The following RHOBTB1 variants were observed in gnomAD, a reference collection of about 807,000 sequenced individuals.
RHOBTB1 encodes rho-related BTB domain-containing protein 1.
A neutral mutation model predicts 71.6 loss-of-function variants in RHOBTB1; 40 were observed. The ratio of observed to expected loss-of-function variants is 0.56; its 90% CI spans 0.43 to 0.73. The LOEUF (loss-of-function observed/expected upper bound fraction) is 0.73, where lower values mean the gene tolerates loss of function less well. RHOBTB1 is among the 30% of genes least tolerant of loss of function. The pLI is 0.00. For missense variants in RHOBTB1, 797 were observed against 894.0 expected (o/e 0.89, Z 1.38); for synonymous variants, 319 against 334.9 (o/e 0.95, Z 0.52).
At chr10:60,985,043 T>C (rs1343495559) in intron 2 of RHOBTB1, among the ~76,000 whole-genome samples, 2 of 152,250 alleles carry the variant, frequency 1.3e-5, no homozygotes, top group African/African-American at 2.4e-5. Context: ...GAGTTATCTA[T>C]AATTCAGCTT....
chr10:60,961,706 T>A lies in RHOBTB1; in HGVS notation c.-61-19852A>T, dbSNP rs564466656. Among the ~76,000 whole-genome samples, 221 of 152,302 alleles carry A rather than the reference T, an allele frequency of 1.5e-3. 1 individual carries two copies. Among genetic ancestry groups the A allele is most frequent in the African/African-American group, 5.1e-3 (214 of 41,564 alleles). Reference sequence around the variant, plus strand: ...AAGTTCAAATGCATTGCTGTATATATGAAAGTGCTTTCACAAGCTATACAT... The same window carrying A: ...AAGTTCAAATGCATTGCTGTATATAAGAAAGTGCTTTCACAAGCTATACAT... On this transcript the variant is annotated intron_variant, in intron 2 of 11. Transcript: ENST00000357917.
rs931334186 is a variant in RHOBTB1, at chr10:60,949,419, G to A, written c.-61-7565C>T. The stretch of plus-strand genomic sequence containing the variant: ...GGGTAAAAGTGAAAGACCCTTCAGC[G>A]TGAGTAGCCCAGCTCTGCAGGATTT... On this transcript the variant is annotated intron_variant, in intron 2 of 11. Coordinates refer to the RHOBTB1 transcript ENST00000357917. 6.6e-5 allele frequency among the ~76,000 whole-genome samples: 10 copies of A among 152,162 alleles called. No individual in the cohort carries two copies. The South Asian group carries it at 1.0e-3, about 16-fold the overall frequency.
chr10:60,977,783 G>T (rs556753095), intron 2 of RHOBTB1, among the ~76,000 whole-genome samples: 4 of 152,064 alleles, frequency 2.6e-5, no homozygotes, highest in South Asian at 2.1e-4. Flanking sequence ...ACTTAATGTT[G>T]CATTAACTAC....
chr10:60,883,289 A>G (rs1366604627), intron 7 of RHOBTB1, among the ~76,000 whole-genome samples: 1 of 152,214 alleles, frequency 6.6e-6, no homozygotes, highest in African/African-American at 2.4e-5. Flanking sequence ...AGGGTGTGCT[A>G]AACAGGTGGC....
intron 4 of RHOBTB1, among the ~76,000 whole-genome samples, chr10:60,902,057 A>C (rs1589242955): frequency 6.6e-6 from 1 of 152,164 alleles, no homozygotes; most frequent in Non-Finnish European, 1.5e-5. Flanking sequence ...GGACAATTTC[A>C]TCCTGGGGAC....
intron 2 of RHOBTB1, among the ~76,000 whole-genome samples, chr10:60,966,639 C>A (rs1299769984): frequency 6.6e-6 from 1 of 151,776 alleles, no homozygotes; most frequent in Non-Finnish European, 1.5e-5. Flanking sequence ...ATTAATTGAG[C>A]ACACATTTAT....
intron 7 of RHOBTB1, among the ~76,000 whole-genome samples, chr10:60,880,595 G>A (rs2081286735): frequency 6.6e-6 from 1 of 152,106 alleles, no homozygotes; most frequent in Non-Finnish European, 1.5e-5. Flanking sequence ...GATTTGACAA[G>A]CATGATCATT....
At chr10:60,899,767 C>T (rs2082325544) in intron 4 of RHOBTB1, among the ~76,000 whole-genome samples, 1 of 152,132 alleles carries the variant, frequency 6.6e-6, no homozygotes, top group Admixed American at 6.5e-5. Context: ...CACTTGATCT[C>T]ATTATGTTCA....
chr10:60,861,772 G>A, the RHOBTB1 span, among the ~76,000 whole-genome samples: 1 of 152,058 alleles, frequency 6.6e-6, no homozygotes, highest in Non-Finnish European at 1.5e-5. Flanking sequence ...CACCCAAACT[G>A]TGAAAGAACG....
chr10:60,895,729 T>G (rs2082133263), intron 4 of RHOBTB1, among the ~76,000 whole-genome samples: 1 of 152,270 alleles, frequency 6.6e-6, no homozygotes, highest in Admixed American at 6.5e-5. Context: ...AGTATCACAA[T>G]GCTTAAATGT....
the RHOBTB1 span, among the ~76,000 whole-genome samples, chr10:60,863,503 G>A: frequency 6.6e-6 from 1 of 151,982 alleles, no homozygotes; most frequent in Non-Finnish European, 1.5e-5. Flanking sequence ...TTAATGCACA[G>A]ATCAATCTGA....
intron 2 of RHOBTB1, among the ~76,000 whole-genome samples, chr10:60,974,880 C>T (rs966274060): frequency 2.6e-5 from 4 of 151,982 alleles, no homozygotes; most frequent in Non-Finnish European, 4.4e-5. Context: ...GTAGAGAAGG[C>T]ATCGTGATGG....
intron 1 of RHOBTB1, among the ~76,000 whole-genome samples, chr10:60,990,355 G>A (rs2086819950): frequency 1.3e-5 from 2 of 152,096 alleles, no homozygotes; most frequent in South Asian, 4.1e-4. Flanking sequence ...ATAGGCCAAT[G>A]ATTTTTCTCT....
At chr10:60,910,765 G>A (rs2082924578) in intron 4 of RHOBTB1, 122 bp downstream of exon 4, 1 of 701,642 alleles carries the variant, frequency 1.4e-6, no homozygotes, top group East Asian at 2.7e-5. Context: ...CTTAGACACA[G>A]TGCAGAACCC....
At chr10:60,982,744 C>A (rs1179690101) in intron 2 of RHOBTB1, among the ~76,000 whole-genome samples, 1 of 152,168 alleles carries the variant, frequency 6.6e-6, no homozygotes, top group Non-Finnish European at 1.5e-5. Flanking sequence ...GAAATTGTGA[C>A]TCCCAGAGAC....
Position 60,922,747 on chromosome 10 carries a change from G to A in RHOBTB1, c.-10-11195C>T, listed in dbSNP as rs184436077. On this transcript the variant is annotated intron_variant, in intron 2 of 10. Coordinates refer to ENST00000337910, the MANE Select transcript of RHOBTB1 (RefSeq NM_014836.5). ...GAGCTTGCTGACCATCCCTTGCTGAGGATGGACCAGGTAGAGAGAACAAAG... is the reference window on the plus strand; with the variant it reads ...GAGCTTGCTGACCATCCCTTGCTGAAGATGGACCAGGTAGAGAGAACAAAG... Among the ~76,000 whole-genome samples, 375 of 152,324 alleles carry A rather than the reference G, an allele frequency of 2.5e-3. 3 individuals are homozygous for A. Among genetic ancestry groups the A allele is most frequent in the Admixed American group, 0.011 (165 of 15,304 alleles).
chr10:60,890,340 A>G lies in RHOBTB1; in HGVS notation c.483-1155T>C, dbSNP rs117313674. On this transcript the variant is annotated intron_variant, in intron 5 of 10. Coordinates refer to ENST00000337910, the MANE Select transcript of RHOBTB1 (RefSeq NM_014836.5). The stretch of plus-strand genomic sequence containing the variant: ...GTCCACAGTCCTCACTGCTGCAAGA[A>G]AAGTCTTTACATAACACAACTATGA... 4.8e-3 allele frequency among the ~76,000 whole-genome samples: 728 copies of G among 152,160 alleles called. 2 individuals carry two copies. Among genetic ancestry groups the G allele is most frequent in the Non-Finnish European group, 7.1e-3 (486 of 67,996 alleles).
chr10:60,899,461 C>A lies in RHOBTB1; in HGVS notation c.297-6466G>T, dbSNP rs180792906. On this transcript the variant is annotated intron_variant, in intron 4 of 10. Coordinates refer to ENST00000337910, the MANE Select transcript of RHOBTB1 (RefSeq NM_014836.5). ...ATAAGAAAACTTCAGTGTCAGCTACCGCGCTACATGGGAGGTCTCTGGGAT... is the reference window on the plus strand; with the variant it reads ...ATAAGAAAACTTCAGTGTCAGCTACAGCGCTACATGGGAGGTCTCTGGGAT... 3.9e-5 allele frequency among the ~76,000 whole-genome samples: 6 copies of A among 152,250 alleles called. No homozygotes were observed. In the South Asian group the frequency reaches 1.2e-3, roughly 32 times the overall value.
intron 2 of RHOBTB1, among the ~76,000 whole-genome samples, chr10:60,967,370 G>A (rs542209588): frequency 1.4e-5 from 2 of 141,206 alleles, no homozygotes; most frequent in South Asian, 2.3e-4. Flanking sequence ...TTGGCTCACC[G>A]CAATCTCCAC....
Sources: allele counts gnomAD v4.1 joint callset (sites outside exome capture counted in the v4.1 genomes callset), GRCh38; gene constraint gnomAD v4.1.1; transcripts MANE v1.5; gene names NCBI Gene and HGNC (gene_info 2026-07-23, HGNC 2026-07-21).